DOK6: variants seen among roughly 807,000 people sequenced by gnomAD.
DOK6 encodes the protein docking protein 6, also known as downstream of tyrosine kinase 6.
Under a neutral mutation model 44.0 loss-of-function variants are expected in DOK6, and 22 were observed. The ratio of observed to expected loss-of-function variants is 0.50; its 90% CI spans 0.36 to 0.71. The LOEUF is 0.71. Ranked by LOEUF, DOK6 falls within the 30% of genes least tolerant of loss-of-function variation. The probability of loss-of-function intolerance (pLI) is 0.00; values close to 1 mark genes in which losing one functional copy is unlikely to be tolerated. For missense variants in DOK6, 340 were observed against 416.4 expected, an observed-to-expected ratio of 0.82 and a Z score of 1.60; for synonymous variants, 166 against 145.5, an observed-to-expected ratio of 1.14 and a Z score of -1.01.
chr18:69,835,279 G>A (rs1158083544), intron 7 of DOK6, among the ~76,000 whole-genome samples: 2 of 152,042 alleles, frequency 1.3e-5, no homozygotes, highest in South Asian at 2.1e-4. Flanking sequence ...TGGCTAACAC[G>A]GTGAAACCCC....
intron 1 of DOK6, among the ~76,000 whole-genome samples, chr18:69,502,075 A>T (rs1981064492): frequency 6.6e-6 from 1 of 152,134 alleles, no homozygotes; most frequent in Non-Finnish European, 1.5e-5. Flanking sequence ...GTTTTACTAA[A>T]ATTAAACAAA....
At chr18:69,719,495 C>T (rs1457232012) in intron 5 of DOK6, among the ~76,000 whole-genome samples, 1 of 152,140 alleles carries the variant, frequency 6.6e-6, no homozygotes, top group South Asian at 2.1e-4. Context: ...CTACATGACT[C>T]CTGAGCAGTA....
chr18:69,794,606 T>A (rs1293473162), intron 7 of DOK6, among the ~76,000 whole-genome samples: 1 of 152,152 alleles, frequency 6.6e-6, no homozygotes, highest in African/African-American at 2.4e-5. Context: ...CATATTCTAC[T>A]TCCAGATAGG....
At chr18:69,841,096 T>G in intron 7 of DOK6, 148 bp from the exon 8 acceptor site, 1 of 954,930 alleles carries the variant, frequency 1.0e-6, no homozygotes, top group Non-Finnish European at 1.5e-6. Flanking sequence ...CAACTTATCT[T>G]GAGCTCAATA....
At chr18:69,718,451 A>G (rs1325607240) in intron 5 of DOK6, among the ~76,000 whole-genome samples, 33 of 152,194 alleles carry the variant, frequency 2.2e-4, no homozygotes, top group Admixed American at 2.0e-3. Flanking sequence ...TGATTCAGAA[A>G]ACAGTAAACT....
chr18:69,591,056 G>C (rs1217688079), intron 2 of DOK6, among the ~76,000 whole-genome samples: 3 of 152,078 alleles, frequency 2.0e-5, no homozygotes, highest in Non-Finnish European at 4.4e-5. Flanking sequence ...TCAAGGCCGT[G>C]GCTCCAAACA....
intron 1 of DOK6, among the ~76,000 whole-genome samples, chr18:69,501,446 A>T (rs1981047103): frequency 6.6e-6 from 1 of 152,142 alleles, no homozygotes; most frequent in African/African-American, 2.4e-5. Flanking sequence ...TCTCAGCTTG[A>T]GTTGTCTAAT....
intron 5 of DOK6, among the ~76,000 whole-genome samples, chr18:69,727,178 C>T (rs1234905986): frequency 1.3e-5 from 2 of 152,096 alleles, no homozygotes; most frequent in Non-Finnish European, 2.9e-5. Flanking sequence ...TTTATAAGGG[C>T]ACTAATCCCA....
chr18:69,796,946 T>A (rs987970114), intron 7 of DOK6, among the ~76,000 whole-genome samples: 1 of 152,190 alleles, frequency 6.6e-6, no homozygotes, highest in African/African-American at 2.4e-5. Context: ...TTTAGTAAGA[T>A]TCTTGAAAAG....
chr18:69,445,393 T>G (rs1384903115), intron 1 of DOK6, among the ~76,000 whole-genome samples: 3 of 152,212 alleles, frequency 2.0e-5, no homozygotes, highest in Non-Finnish European at 4.4e-5. Context: ...GTTTTCAGTC[T>G]TTCACTGTTT....
intron 3 of DOK6, among the ~76,000 whole-genome samples, chr18:69,605,076 T>TGTGTGTG (rs1983963599): frequency 6.4e-5 from 8 of 125,858 alleles, no homozygotes; most frequent in African/African-American, 2.4e-4. Flanking sequence ...AGAGATCCCT[T>TGTGTGTG]TGTGTGTGTG....
intron 1 of DOK6, among the ~76,000 whole-genome samples, chr18:69,407,332 A>G (rs1599116373): frequency 6.6e-6 from 1 of 152,334 alleles, no homozygotes; most frequent in East Asian, 1.9e-4. Context: ...TAATCTCTAG[A>G]TTCACATATT....
chr18:69,699,707 GA>G (rs1438535118), intron 5 of DOK6, among the ~76,000 whole-genome samples: 1 of 152,110 alleles, frequency 6.6e-6, no homozygotes, highest in Non-Finnish European at 1.5e-5. Context: ...ATAAGAAAAT[GA>G]ATATTTTTAA....
chr18:69,721,702 A>C (rs895405837), intron 5 of DOK6, among the ~76,000 whole-genome samples: 4 of 144,302 alleles, frequency 2.8e-5, no homozygotes, highest in Admixed American at 7.1e-5. Context: ...TTTAAAATGC[A>C]GTAGAAGCAC....
At position 69,749,803 on chromosome 18, in the gene DOK6, G is replaced by A. The variant is rs117569653; in HGVS notation, c.739-7953G>A. Among the ~76,000 whole-genome samples, 909 of 151,816 alleles carry A rather than the reference G, an allele frequency of 6.0e-3. 12 individuals carry two copies. Among genetic ancestry groups the A allele is most frequent in the African/African-American group, 0.021 (871 of 41,408 alleles). On this transcript the variant is annotated intron_variant, in intron 6 of 7. Coordinates refer to ENST00000382713, the MANE Select transcript of DOK6 (RefSeq NM_152721.6). ...AAAATACAAAAAAAATTAGCTGGGCGTGATGGTGCGCACCTGTAGTGCAGC... is the reference window on the plus strand; with the variant it reads ...AAAATACAAAAAAAATTAGCTGGGCATGATGGTGCGCACCTGTAGTGCAGC...
intron 5 of DOK6, among the ~76,000 whole-genome samples, chr18:69,699,608 G>A (rs1986466903): frequency 6.6e-6 from 1 of 152,150 alleles, no homozygotes; most frequent in Non-Finnish European, 1.5e-5. Flanking sequence ...TAGTAGTTAT[G>A]AGCTTGTTCA....
intron 6 of DOK6, among the ~76,000 whole-genome samples, chr18:69,751,545 T>C (rs1367341970): frequency 1.3e-5 from 2 of 152,184 alleles, no homozygotes; most frequent in African/African-American, 2.4e-5. Context: ...ATGTGTATAT[T>C]TGAGTGTGTG....
intron 1 of DOK6, among the ~76,000 whole-genome samples, chr18:69,436,391 C>T (rs778427008): frequency 6.6e-6 from 1 of 152,008 alleles, no homozygotes; most frequent in African/African-American, 2.4e-5. Flanking sequence ...TGTTCAACTC[C>T]CATTTATGAG....
At chr18:69,657,484 G>T (rs1985398789) in intron 3 of DOK6, among the ~76,000 whole-genome samples, 1 of 152,176 alleles carries the variant, frequency 6.6e-6, no homozygotes, top group Admixed American at 6.5e-5. Flanking sequence ...TAAGCATTTT[G>T]TTATAGGAAT....
Sources: gnomAD v4.1 joint callset for allele counts (sites outside exome capture counted in the v4.1 genomes callset) on GRCh38, gnomAD v4.1.1 for gene constraint, MANE v1.5 for transcripts, NCBI Gene and HGNC (gene_info 2026-07-23, HGNC 2026-07-21) for gene names.